Variants in TCF12 observed in about 807,000 individuals in gnomAD.
TCF12 encodes transcription factor 12.
In TCF12, 45 loss-of-function variants were observed where a neutral mutation model predicts 86.0. The observed-to-expected ratio is 0.52, with a 90% confidence interval of 0.41 to 0.67. The LOEUF is 0.67. Among genes scored for constraint, TCF12 ranks in the 30% least tolerant of loss-of-function variants. The pLI, the probability that TCF12 is intolerant of heterozygous loss-of-function variation, is 0.00. For missense variants in TCF12, 881 were observed against 859.9 expected (o/e 1.02, Z -0.31); for synonymous variants, 330 against 299.6 (o/e 1.10, Z -1.05).
chr15:57,150,355 G>A (rs926460113), intron 5 of TCF12, among the ~76,000 whole-genome samples: 3 of 152,206 alleles, frequency 2.0e-5, no homozygotes, highest in Admixed American at 6.5e-5. Context: ...ATGAACCAAA[G>A]TGGAAAGATC....
chr15:57,199,443 T>TA (rs148315336), intron 8 of TCF12, among the ~76,000 whole-genome samples: 1 of 152,112 alleles, frequency 6.6e-6, no homozygotes, highest in Non-Finnish European at 1.5e-5. Flanking sequence ...CTATACAGGT[T>TA]AAAAAAACAG....
intron 12 of TCF12, among the ~76,000 whole-genome samples, chr15:57,239,515 C>CAAAAAA (rs67591734): frequency 4.7e-5 from 5 of 107,170 alleles, no homozygotes; most frequent in African/African-American, 1.7e-4. Context: ...GACTCCATCT[C>CAAAAAA]AAAAAAAAAA....
chr15:57,171,317 A>C (rs1286427882), intron 6 of TCF12, among the ~76,000 whole-genome samples: 2 of 152,104 alleles, frequency 1.3e-5, no homozygotes, highest in Non-Finnish European at 2.9e-5. Context: ...ATTATTCTGC[A>C]GCAAGGATAA....
chr15:57,270,316 A>G (rs966755919), intron 18 of TCF12, among the ~76,000 whole-genome samples: 5 of 152,094 alleles, frequency 3.3e-5, no homozygotes, highest in Non-Finnish European at 4.4e-5. Context: ...TTGATCTTCA[A>G]TCACTGATAT....
intron 6 of TCF12, among the ~76,000 whole-genome samples, chr15:57,171,776 T>C (rs2055518954): frequency 6.6e-6 from 1 of 152,244 alleles, no homozygotes; most frequent in South Asian, 2.1e-4. Context: ...AATTTTTTTA[T>C]TGATGAAACA....
At chr15:57,030,040 G>T (rs191546864) in intron 3 of TCF12, among the ~76,000 whole-genome samples, 2 of 149,366 alleles carry the variant, frequency 1.3e-5, no homozygotes, top group East Asian at 2.0e-4. Context: ...GAACATTTTT[G>T]TGCATGTTTT....
intron 6 of TCF12, among the ~76,000 whole-genome samples, chr15:57,166,977 CT>C (rs2054942501): frequency 6.6e-6 from 1 of 152,158 alleles, no homozygotes; most frequent in Non-Finnish European, 1.5e-5. Context: ...TCTTTTCTGC[CT>C]TTTTCCTCAT....
chr15:56,940,975 G>T (rs1418533899), intron 3 of TCF12, among the ~76,000 whole-genome samples: 1 of 146,158 alleles, frequency 6.8e-6, no homozygotes, highest in South Asian at 2.2e-4. Flanking sequence ...TGACCAGGCT[G>T]GTCTCAAACT....
chr15:57,205,078 G>A (rs1331133067), intron 8 of TCF12, among the ~76,000 whole-genome samples: 1 of 152,068 alleles, frequency 6.6e-6, no homozygotes, highest in African/African-American at 2.4e-5. Context: ...TTTGGGAGGT[G>A]GAGGCGGGCA....
At chr15:57,125,017 A>G (rs941230706) in intron 5 of TCF12, among the ~76,000 whole-genome samples, 1 of 151,990 alleles carries the variant, frequency 6.6e-6, no homozygotes, top group Non-Finnish European at 1.5e-5. Context: ...ACCTGATTAT[A>G]TTTCTTTTTC....
At chr15:57,065,442 C>G (rs1287127031) in intron 4 of TCF12, among the ~76,000 whole-genome samples, 2 of 152,134 alleles carry the variant, frequency 1.3e-5, no homozygotes, top group African/African-American at 4.8e-5. Flanking sequence ...GAGATAGGAT[C>G]TAGTTTAGAT....
chr15:57,225,367 C>T (rs1395643986), intron 8 of TCF12, among the ~76,000 whole-genome samples: 1 of 151,058 alleles, frequency 6.6e-6, no homozygotes, highest in African/African-American at 2.4e-5. Context: ...AGCCTCCTGA[C>T]TAGCTGAGAC....
intron 3 of TCF12, among the ~76,000 whole-genome samples, chr15:57,043,341 T>C (rs1271512987): frequency 6.6e-6 from 1 of 152,214 alleles, no homozygotes; most frequent in Non-Finnish European, 1.5e-5. Context: ...GTTCTATTTT[T>C]AATTTTTTAA....
intron 4 of TCF12, among the ~76,000 whole-genome samples, chr15:57,073,484 C>CTT (rs145225566): frequency 0.014 from 2,173 of 152,262 alleles, 59 homozygotes; most frequent in African/African-American, 0.046. Flanking sequence ...AGTTTACACA[C>CTT]TTTCATGTTA....
chr15:57,201,646 A>G (rs1286203101), intron 8 of TCF12, among the ~76,000 whole-genome samples: 5 of 152,228 alleles, frequency 3.3e-5, no homozygotes, highest in Admixed American at 2.0e-4. Flanking sequence ...ATAGCAGTCT[A>G]TCCTGGATAA....
At chr15:56,963,542 T>G (rs983263140) in intron 3 of TCF12, among the ~76,000 whole-genome samples, 1 of 152,158 alleles carries the variant, frequency 6.6e-6, no homozygotes, top group Non-Finnish European at 1.5e-5. Flanking sequence ...CTTTGCTTTA[T>G]TTTTTAGGAA....
intron 12 of TCF12, among the ~76,000 whole-genome samples, chr15:57,236,131 C>T (rs1016565845): frequency 2.0e-5 from 3 of 152,126 alleles, no homozygotes; most frequent in African/African-American, 4.8e-5. Context: ...TCATAGCTGA[C>T]GGTGATGCAT....
At chr15:57,010,721 C>T (rs1447300341) in intron 3 of TCF12, among the ~76,000 whole-genome samples, 1 of 152,144 alleles carries the variant, frequency 6.6e-6, no homozygotes, top group African/African-American at 2.4e-5. Flanking sequence ...TACTGAAGTT[C>T]ATGGATAGTT....
At chr15:56,981,023 A>G (rs2062863307) in intron 3 of TCF12, among the ~76,000 whole-genome samples, 1 of 152,210 alleles carries the variant, frequency 6.6e-6, no homozygotes, top group Admixed American at 6.5e-5. Context: ...AGGAAGCCTC[A>G]TATTTCTGCA....
Sources: gnomAD v4.1 joint callset for allele counts (sites outside exome capture counted in the v4.1 genomes callset) on GRCh38, gnomAD v4.1.1 for gene constraint, MANE v1.5 for transcripts, NCBI Gene and HGNC (gene_info 2026-07-23, HGNC 2026-07-21) for gene names.